Variants in NRG3 observed in about 807,000 individuals in gnomAD.
The protein encoded by NRG3 is neuregulin 3, also known as pro-neuregulin-3, membrane-bound isoform.
In NRG3, 31 loss-of-function variants were observed where a neutral mutation model predicts 66.9. The observed-to-expected ratio is 0.46, with a 90% CI of 0.35 to 0.63. The LOEUF (loss-of-function observed/expected upper bound fraction) is 0.63. NRG3 is among the 20% of genes least tolerant of loss of function. The pLI is 0.00. For missense variants in NRG3, 910 were observed against 878.9 expected (o/e 1.04, Z -0.45); for synonymous variants, 393 against 359.4 (o/e 1.09, Z -1.06).
chr10:81,911,416 A>G (rs1845132541), intron 1 of NRG3, among the ~76,000 whole-genome samples: 1 of 151,972 alleles, frequency 6.6e-6, no homozygotes. Context: ...ACAGTGTCCC[A>G]GGAAGCTCTC....
At chr10:82,961,171 A>G (rs1850601688) in intron 6 of NRG3, among the ~76,000 whole-genome samples, 1 of 152,222 alleles carries the variant, frequency 6.6e-6, no homozygotes, top group Non-Finnish European at 1.5e-5. Flanking sequence ...TAGAGAACTT[A>G]ATGTAAGAAA....
chr10:82,099,000 C>G (rs145635249), intron 1 of NRG3, among the ~76,000 whole-genome samples: 1 of 152,126 alleles, frequency 6.6e-6, no homozygotes, highest in Non-Finnish European at 1.5e-5. Context: ...CTCCTGACCT[C>G]GTGATCTGCC....
intron 1 of NRG3, among the ~76,000 whole-genome samples, chr10:82,078,144 A>T (rs577642296): frequency 6.6e-6 from 1 of 152,146 alleles, no homozygotes; most frequent in South Asian, 2.1e-4. Flanking sequence ...TAATTATTCT[A>T]TTTACCTACT....
chr10:82,544,743 T>C (rs1215138271), intron 2 of NRG3, among the ~76,000 whole-genome samples: 1 of 152,200 alleles, frequency 6.6e-6, no homozygotes, highest in East Asian at 1.9e-4. Context: ...AACCATCTAA[T>C]TTACTACCCA....
chr10:82,032,086 G>A (rs73314674), intron 1 of NRG3, among the ~76,000 whole-genome samples: 7,043 of 150,946 alleles, frequency 0.047, 544 homozygotes, highest in African/African-American at 0.16. Context: ...TGGTTATGGG[G>A]TATTTTGACT....
chr10:82,237,983 G>C (rs1004379162), intron 1 of NRG3, among the ~76,000 whole-genome samples: 1 of 152,100 alleles, frequency 6.6e-6, no homozygotes, highest in Non-Finnish European at 1.5e-5. Context: ...ATTGGTAAAA[G>C]AAATATTTTA....
Position 82,618,314 on chromosome 10 carries a change from A to T in NRG3, c.954-120263A>T, listed in dbSNP as rs559246754. 2.1e-3 allele frequency among the ~76,000 whole-genome samples: 319 copies of T among 152,194 alleles called. 1 individual carries two copies. Among genetic ancestry groups the T allele is most frequent in the Non-Finnish European group, 3.5e-3 (238 of 68,002 alleles). ...GGGCCTGCAGAGAGGGACAGTGATG[A>T]GGCAGGGAGACGGGGGGGAATTTAT... On this transcript the variant is annotated intron_variant, in intron 2 of 8. Coordinates refer to ENST00000372141, the MANE Select transcript of NRG3 (RefSeq NM_001010848.4).
intron 4 of NRG3, among the ~76,000 whole-genome samples, chr10:82,937,353 A>T (rs949464893): frequency 6.6e-6 from 1 of 152,224 alleles, no homozygotes; most frequent in Middle Eastern, 3.2e-3. Flanking sequence ...CACATTTCAC[A>T]TCAAAAACTG....
chr10:82,970,938 G>GTT (rs1342290183), intron 6 of NRG3, among the ~76,000 whole-genome samples: 1 of 152,118 alleles, frequency 6.6e-6, no homozygotes, highest in African/African-American at 2.4e-5. Flanking sequence ...TTATAAAGAG[G>GTT]TTTATTTGGC....
intron 1 of NRG3, among the ~76,000 whole-genome samples, chr10:82,014,922 T>C (rs2061721457): frequency 6.6e-6 from 1 of 152,038 alleles, no homozygotes; most frequent in Non-Finnish European, 1.5e-5. Context: ...CATTCTACAA[T>C]GGGAAAGAAA....
At chr10:82,511,184 A>C (rs1845131260) in intron 2 of NRG3, among the ~76,000 whole-genome samples, 1 of 152,156 alleles carries the variant, frequency 6.6e-6, no homozygotes, top group South Asian at 2.1e-4. Context: ...GATCATTTGG[A>C]AGCATATAAA....
chr10:82,921,567 A>G (rs1453208978), intron 4 of NRG3, among the ~76,000 whole-genome samples: 1 of 152,216 alleles, frequency 6.6e-6, no homozygotes, highest in East Asian at 1.9e-4. Flanking sequence ...TATCTTCACA[A>G]TAATTCTGTG....
At chr10:82,347,592 G>T (rs1336322848) in intron 1 of NRG3, among the ~76,000 whole-genome samples, 2 of 151,938 alleles carry the variant, frequency 1.3e-5, no homozygotes, top group African/African-American at 2.4e-5. Flanking sequence ...TCTGCTTGGT[G>T]CAGAGCTGAG....
chr10:82,761,689 A>C (rs2059308707), intron 3 of NRG3, among the ~76,000 whole-genome samples: 1 of 151,872 alleles, frequency 6.6e-6, no homozygotes, highest in Admixed American at 6.5e-5. Flanking sequence ...ATATAAAATT[A>C]AGAAATAAAT....
intron 2 of NRG3, among the ~76,000 whole-genome samples, chr10:82,404,147 G>C (rs1248166055): frequency 6.6e-6 from 1 of 152,106 alleles, no homozygotes; most frequent in Non-Finnish European, 1.5e-5. Context: ...TTAGGGAGAA[G>C]GCATTCAAAC....
At chr10:82,957,887 G>A (rs1453352025) in intron 5 of NRG3, among the ~76,000 whole-genome samples, 2 of 103,992 alleles carry the variant, frequency 1.9e-5, no homozygotes, top group East Asian at 6.0e-4. Flanking sequence ...ACTGCAAAGA[G>A]GTGTGCGTGT....
At chr10:82,973,689 G>T in intron 6 of NRG3, 99 bp from the exon 7 acceptor site, 1 of 1,319,330 alleles carries the variant, frequency 7.6e-7, no homozygotes, top group Non-Finnish European at 1.1e-6. Context: ...TGACCAGGAG[G>T]AACTGGCATT....
intron 2 of NRG3, among the ~76,000 whole-genome samples, chr10:82,541,396 C>T (rs1037589373): frequency 6.6e-6 from 1 of 152,180 alleles, no homozygotes; most frequent in Admixed American, 6.5e-5. Flanking sequence ...CATCGGCGGG[C>T]TCACGTCTCC....
At chr10:82,576,983 T>C (rs117674183) in intron 2 of NRG3, among the ~76,000 whole-genome samples, 2 of 151,816 alleles carry the variant, frequency 1.3e-5, no homozygotes, top group Non-Finnish European at 2.9e-5. Context: ...GAGTGACTTT[T>C]ATTTGCCAGT....
Sources: allele counts gnomAD v4.1 joint callset (sites outside exome capture counted in the v4.1 genomes callset), GRCh38; gene constraint gnomAD v4.1.1; transcripts MANE v1.5; gene names NCBI Gene and HGNC (gene_info 2026-07-23, HGNC 2026-07-21).